GRM1: variants seen among roughly 807,000 people sequenced by gnomAD.
GRM1 encodes metabotropic glutamate receptor 1.
In GRM1, 33 loss-of-function variants were observed where a neutral mutation model predicts 90.9. That is an observed-to-expected ratio of 0.36 (90% CI 0.28 to 0.49). The LOEUF (loss-of-function observed/expected upper bound fraction) is 0.49. Among genes scored for constraint, GRM1 ranks in the 20% least tolerant of loss-of-function variants. The probability of loss-of-function intolerance (pLI) is 0.99; values close to 1 mark genes in which losing one functional copy is unlikely to be tolerated. For missense variants in GRM1, 1,190 were observed against 1,534.3 expected (o/e 0.78, Z 3.75); for synonymous variants, 700 against 613.2 (o/e 1.14, Z -2.09).
At chr6:146,298,079 A>G (rs1490953165) in intron 2 of GRM1, among the ~76,000 whole-genome samples, 3 of 152,208 alleles carry the variant, frequency 2.0e-5, no homozygotes, top group African/African-American at 7.2e-5. Flanking sequence ...ATGATTGCCA[A>G]GAATAGCTCA....
intron 1 of GRM1, among the ~76,000 whole-genome samples, chr6:146,062,347 G>A (rs1459239967): frequency 7.8e-6 from 1 of 127,752 alleles, no homozygotes; most frequent in Non-Finnish European, 1.8e-5. Flanking sequence ...CTGTTGGGGG[G>A]TAGGGGGCTA....
intron 3 of GRM1, among the ~76,000 whole-genome samples, chr6:146,347,724 T>C (rs888258512): frequency 1.3e-5 from 2 of 152,206 alleles, no homozygotes; most frequent in African/African-American, 4.8e-5. Context: ...AGCAGTTACA[T>C]GAATGTGTAC....
At chr6:146,268,254 C>T (rs973269787) in intron 2 of GRM1, among the ~76,000 whole-genome samples, 4 of 152,182 alleles carry the variant, frequency 2.6e-5, no homozygotes, top group Non-Finnish European at 1.5e-5. Flanking sequence ...GTTAAGCCCC[C>T]GACCTACAGT....
chr6:146,420,679 T>C (rs564678093), intron 7 of GRM1, among the ~76,000 whole-genome samples: 5 of 152,330 alleles, frequency 3.3e-5, no homozygotes, highest in African/African-American at 1.2e-4. Context: ...CAGACCCCCA[T>C]GTGATACACT....
At position 146,434,421 on chromosome 6, in the gene GRM1, A is replaced by G. The variant is rs773315056; in HGVS notation, c.3210A>G (p.Pro1070=). ...NGLRSLYPPP[P]PPQHLQMLPL... is the part of the protein sequence containing the mutation. ...TGCGGTCCCTGTACCCGCCCCCGCC[A>G]CCTCCGCAGCACCTGCAGATGCTGC... The change falls in exon 8 of 8, where the codon CCA becomes CCG. Residue 1070 remains proline (P), a synonymous_variant. Transcript: ENST00000282753. 5.6e-6 allele frequency: 9 copies of G among 1,613,222 alleles called. No individual in the cohort carries two copies. Among genetic ancestry groups the G allele is most frequent in the Admixed American group, 3.3e-5 (2 of 60,008 alleles).
chr6:146,245,978 T>A (rs73575048), intron 2 of GRM1, among the ~76,000 whole-genome samples: 14,457 of 152,258 alleles, frequency 0.095, 1,822 homozygotes, highest in African/African-American at 0.28. Flanking sequence ...CAGTTCCTGC[T>A]GTTAAAAATA....
intron 2 of GRM1, among the ~76,000 whole-genome samples, chr6:146,165,020 T>A (rs776195942): frequency 6.6e-6 from 1 of 152,050 alleles, no homozygotes; most frequent in Non-Finnish European, 1.5e-5. Context: ...TCTGTGATCT[T>A]CTCACTCATT....
At chr6:146,378,523 C>T (rs894063434) in intron 5 of GRM1, among the ~76,000 whole-genome samples, 38 of 152,196 alleles carry the variant, frequency 2.5e-4, no homozygotes, top group Admixed American at 1.4e-3. Flanking sequence ...TATTGGGTTT[C>T]GGACTTGGAT....
chr6:146,147,621 T>C (rs1308632028), intron 1 of GRM1, among the ~76,000 whole-genome samples: 9 of 152,224 alleles, frequency 5.9e-5, no homozygotes, highest in Non-Finnish European at 1.0e-4. Context: ...CATTATTTCC[T>C]ATTAAAAATA....
At chr6:146,065,357 G>C (rs536385867) in intron 1 of GRM1, among the ~76,000 whole-genome samples, 1 of 152,138 alleles carries the variant, frequency 6.6e-6, no homozygotes, top group South Asian at 2.1e-4. Flanking sequence ...GTGGTAATGA[G>C]CAGTTTCTGA....
Position 146,434,239 on chromosome 6 carries a change from C to T in GRM1, c.3028C>T (p.Pro1010Ser), listed in dbSNP as rs373474710. The T allele has an allele frequency of 5.0e-6, 8 of 1,602,590 alleles. No individual in the cohort carries two copies. The highest frequency in any genetic ancestry group is 1.1e-5 in the South Asian group (1 of 90,024). ...CCTCTTCCTGGCCGAACCAGCCCTC[C>T]CCAAGGGCTTGCCCCCTCCTCTCCA... The part of the protein sequence containing the change: ...TPLFLAEPAL[P>S]KGLPPPLQQQ... The change falls in exon 8 of 8, where the codon CCC becomes TCC. Residue 1010 changes from proline (P) to serine (S), a missense_variant. Physicochemically the swap from Pro to Ser is moderately conservative, Grantham distance 74. This residue lies in a region of GRM1 where 400 missense variants were observed against 360.8 expected (regional missense o/e 1.11). Transcript: ENST00000282753.
rs147457758 is a variant in GRM1 at position 146,382,739 on chromosome 6, G to A, written c.1603-4151G>A. The stretch of plus-strand genomic sequence containing the variant: ...AGGTATTAAAAGAGGAGGCACTAAA[G>A]TTCTTTGAGTGACCTAATTATATTT... On this transcript the variant is annotated intron_variant, in intron 5 of 7. Coordinates refer to ENST00000282753, the MANE Select transcript of GRM1 (RefSeq NM_001278064.2). Among the ~76,000 whole-genome samples, 9 of 152,148 alleles carry A rather than the reference G, an allele frequency of 5.9e-5. No homozygotes were observed. In the East Asian group the frequency reaches 1.7e-3, roughly 29 times the overall value.
chr6:146,400,390 TA>T (rs1337267927), intron 7 of GRM1, among the ~76,000 whole-genome samples: 1 of 151,490 alleles, frequency 6.6e-6, no homozygotes, highest in Non-Finnish European at 1.5e-5. Context: ...TTCTTAGTCA[TA>T]AAGCACCAAA....
rs528347226 is a variant in GRM1, at chr6:146,132,969, G to A, written c.701-26379G>A. On this transcript the variant is annotated intron_variant, in intron 1 of 7. Coordinates refer to ENST00000282753, the MANE Select transcript of GRM1 (RefSeq NM_001278064.2). ...AAGAGATCATATTGATTCATAGGATGTAATAGTTGTCTTTCTATGTCCTCT... is the reference window on the plus strand; with the variant it reads ...AAGAGATCATATTGATTCATAGGATATAATAGTTGTCTTTCTATGTCCTCT... 4.6e-5 allele frequency among the ~76,000 whole-genome samples: 7 copies of A among 152,338 alleles called. No individual in the cohort carries two copies. In the South Asian group the frequency reaches 1.0e-3, roughly 23 times the overall value.
intron 1 of GRM1, among the ~76,000 whole-genome samples, chr6:146,156,363 G>A (rs548971665): frequency 6.6e-6 from 1 of 152,298 alleles, no homozygotes; most frequent in East Asian, 1.9e-4. Context: ...CCAAGATCGT[G>A]CCACTGCACT....
chr6:146,361,565 C>T (rs1346846066), intron 5 of GRM1, among the ~76,000 whole-genome samples: 2 of 152,144 alleles, frequency 1.3e-5, no homozygotes. Flanking sequence ...AGATCAGGGA[C>T]TAACATTGGT....
At position 146,436,302 on chromosome 6, in the gene GRM1, ATATGT is replaced by A. The variant is rs1225785420; in HGVS notation, c.*1510_*1514del. 2 of 152,112 alleles carry A rather than the reference ATATGT, an allele frequency of 1.3e-5. No individual in the cohort carries two copies. Among genetic ancestry groups the A allele is most frequent in the Non-Finnish European group, 2.9e-5 (2 of 68,022 alleles). 9.4% of individuals were successfully genotyped at this position (152,112 alleles called of 1,614,324 possible). A position where few individuals can be genotyped will look rare whatever the true frequency, so the allele number is the denominator to read the frequency against. Reference sequence around the variant, plus strand: ...TTTTCAGATATTTTCTGATGTGGAGATATGTTATTAATGAAGTGGTTTGAAAATTT... The same window carrying A: ...TTTTCAGATATTTTCTGATGTGGAGATATTAATGAAGTGGTTTGAAAATTT... On this transcript the variant is annotated 3_prime_UTR_variant, in exon 8 of 8. Transcript: ENST00000282753.
At chr6:146,128,157 G>A (rs1776264669) in intron 1 of GRM1, among the ~76,000 whole-genome samples, 1 of 152,134 alleles carries the variant, frequency 6.6e-6, no homozygotes, top group Non-Finnish European at 1.5e-5. Context: ...AGCTTCAGAA[G>A]TCATCCAGAT....
chr6:146,315,530 A>G (rs1166162257), intron 3 of GRM1, among the ~76,000 whole-genome samples: 1 of 152,196 alleles, frequency 6.6e-6, no homozygotes, highest in Non-Finnish European at 1.5e-5. Flanking sequence ...AATGATGTAA[A>G]TAAAAATCTG....
Sources: allele counts gnomAD v4.1 joint callset (sites outside exome capture counted in the v4.1 genomes callset), GRCh38; gene constraint gnomAD v4.1.1; regional missense constraint gnomAD v4.1.1; transcripts MANE v1.5; gene names NCBI Gene and HGNC (gene_info 2026-07-23, HGNC 2026-07-21).